RBFOX1: variants seen among roughly 807,000 people sequenced by gnomAD.
The protein encoded by RBFOX1 is RNA binding fox-1 homolog 1.
Under a neutral mutation model 57.7 loss-of-function variants are expected in RBFOX1, and 8 were observed. That is an observed-to-expected ratio of 0.14 (90% confidence interval 0.08 to 0.25). The LOEUF (loss-of-function observed/expected upper bound fraction) is 0.25. Among genes scored for constraint, RBFOX1 ranks in the 10% least tolerant of loss-of-function variants. The pLI is 1.00. For synonymous variants in RBFOX1, 326 were observed against 222.4 expected (o/e 1.47, Z -4.15); for missense variants, 611 against 548.5 (o/e 1.11, Z -1.14).
chr16:6,479,244 C>G (rs185937168), intron 2 of RBFOX1, among the ~76,000 whole-genome samples: 9 of 152,272 alleles, frequency 5.9e-5, no homozygotes, highest in Non-Finnish European at 7.4e-5. Context: ...CCTCAGGAAA[C>G]TTTCAATTAT....
chr16:5,364,670 A>C (rs942859406), intron 1 of RBFOX1, among the ~76,000 whole-genome samples: 1 of 152,176 alleles, frequency 6.6e-6, no homozygotes, highest in South Asian at 2.1e-4. Context: ...CTCTACACGC[A>C]TCTCGGAAAA....
chr16:6,247,238 G>A (rs1402933189), intron 1 of RBFOX1, among the ~76,000 whole-genome samples: 11 of 152,200 alleles, frequency 7.2e-5, no homozygotes, highest in Non-Finnish European at 1.6e-4. Context: ...TTGTCTCCCA[G>A]GATCTTGCTG....
chr16:5,987,326 C>A (rs780521573), intron 4 of RBFOX1, among the ~76,000 whole-genome samples: 1 of 152,152 alleles, frequency 6.6e-6, no homozygotes, highest in African/African-American at 2.4e-5. Flanking sequence ...TTTCCCCCAG[C>A]TGTAGCTTGT....
intron 4 of RBFOX1, among the ~76,000 whole-genome samples, chr16:5,870,951 G>A (rs538918604): frequency 2.0e-5 from 3 of 152,184 alleles, no homozygotes; most frequent in Admixed American, 6.5e-5. Context: ...GTTAAAAGGA[G>A]ACAAAAAGAA....
intron 2 of RBFOX1, among the ~76,000 whole-genome samples, chr16:6,358,206 A>G (rs2087738251): frequency 6.6e-6 from 1 of 152,156 alleles, no homozygotes; most frequent in Non-Finnish European, 1.5e-5. Flanking sequence ...CACCTCCTTC[A>G]TGAGACTGTG....
intron 3 of RBFOX1, among the ~76,000 whole-genome samples, chr16:6,944,890 C>G (rs1172796468): frequency 6.6e-6 from 1 of 152,124 alleles, no homozygotes; most frequent in Non-Finnish European, 1.5e-5. Flanking sequence ...TCGTGGGTAG[C>G]TATGAATTTG....
At chr16:7,251,017 A>T (rs1265418384) in intron 4 of RBFOX1, among the ~76,000 whole-genome samples, 1 of 147,888 alleles carries the variant, frequency 6.8e-6, no homozygotes, top group African/African-American at 2.5e-5. Flanking sequence ...TGTAGTGAAA[A>T]CACTTAAAAT....
chr16:6,999,202 T>A (rs1309553507), intron 3 of RBFOX1, among the ~76,000 whole-genome samples: 4 of 78,032 alleles, frequency 5.1e-5, no homozygotes, highest in Non-Finnish European at 1.2e-4. Context: ...TTATTTTATT[T>A]TTTATTTTTA....
chr16:6,159,418 G>A (rs2096861686), intron 1 of RBFOX1, among the ~76,000 whole-genome samples: 1 of 152,168 alleles, frequency 6.6e-6, no homozygotes, highest in Non-Finnish European at 1.5e-5. Flanking sequence ...TTTCTTCTTA[G>A]TGGTTGGAAT....
At chr16:5,459,261 C>G (rs1347425329) in intron 1 of RBFOX1, among the ~76,000 whole-genome samples, 1 of 152,232 alleles carries the variant, frequency 6.6e-6, no homozygotes, top group African/African-American at 2.4e-5. Flanking sequence ...ATCCTAATCT[C>G]AGATCAGCTG....
chr16:6,438,152 A>C (rs1597247776), intron 2 of RBFOX1, among the ~76,000 whole-genome samples: 1 of 152,200 alleles, frequency 6.6e-6, no homozygotes, highest in East Asian at 1.9e-4. Context: ...TTGTAAACCG[A>C]AGTTGGAAAG....
chr16:7,035,498 T>C (rs374820201), intron 3 of RBFOX1, among the ~76,000 whole-genome samples: 7 of 152,238 alleles, frequency 4.6e-5, no homozygotes, highest in Non-Finnish European at 8.8e-5. Flanking sequence ...TCAGAGCGCA[T>C]TTGCAGAATT....
At chr16:6,080,983 CTGTT>C (rs887959487) in intron 1 of RBFOX1, among the ~76,000 whole-genome samples, 75 of 152,312 alleles carry the variant, frequency 4.9e-4, no homozygotes, top group Admixed American at 9.8e-4. Flanking sequence ...AATTTGAAGA[CTGTT>C]TGTCATGGCT....
rs868100458 is a variant in RBFOX1 at position 7,713,089 on chromosome 16, G to C, written c.*2344G>C. 2 of 152,066 alleles carry C rather than the reference G, an allele frequency of 1.3e-5. No individual in the cohort carries two copies. The highest frequency in any genetic ancestry group is 2.4e-5 in the African/African-American group (1 of 41,402). The allele number at this position is 152,066 out of a possible 1,614,324, so 9.4% of individuals were successfully genotyped here. On this transcript the variant is annotated 3_prime_UTR_variant, in exon 16 of 16. Transcript: ENST00000550418. The stretch of plus-strand genomic sequence containing the variant: ...GTCAGAGATGTAAACAAACATTTTG[G>C]ATTTTTTTTAAACAGTATTTATTTG...
At chr16:7,144,995 G>A (rs1043991598) in intron 4 of RBFOX1, among the ~76,000 whole-genome samples, 16 of 152,058 alleles carry the variant, frequency 1.1e-4, no homozygotes, top group Non-Finnish European at 2.9e-5. Context: ...TCTGAAACAG[G>A]TCAGCTGACG....
chr16:6,592,579 C>T (rs968616317), intron 2 of RBFOX1, among the ~76,000 whole-genome samples: 3 of 152,178 alleles, frequency 2.0e-5, no homozygotes, highest in Non-Finnish European at 2.9e-5. Flanking sequence ...ATGCTGGCTC[C>T]ACCATGTAAT....
chr16:6,948,802 T>C (rs2080103777), intron 3 of RBFOX1, among the ~76,000 whole-genome samples: 1 of 152,164 alleles, frequency 6.6e-6, no homozygotes, highest in Admixed American at 6.5e-5. Flanking sequence ...TTTCTGATAA[T>C]TTTAGCCTAA....
At chr16:6,442,503 G>A (rs571987082) in intron 2 of RBFOX1, among the ~76,000 whole-genome samples, 39 of 151,918 alleles carry the variant, frequency 2.6e-4, no homozygotes, top group African/African-American at 9.4e-4. Context: ...GTTGCAGTGA[G>A]CTGAGATCAC....
At chr16:6,875,469 T>C (rs1170905767) in intron 3 of RBFOX1, among the ~76,000 whole-genome samples, 3 of 152,146 alleles carry the variant, frequency 2.0e-5, no homozygotes, top group Non-Finnish European at 4.4e-5. Flanking sequence ...CTGAGAGTCT[T>C]CGAATTTTTT....
Sources: gnomAD v4.1 joint callset for allele counts (sites outside exome capture counted in the v4.1 genomes callset) on GRCh38, gnomAD v4.1.1 for gene constraint, MANE v1.5 for transcripts, NCBI Gene and HGNC (gene_info 2026-07-23, HGNC 2026-07-21) for gene names.